NAPEPLD: variants seen among roughly 807,000 people sequenced by gnomAD.
The protein encoded by NAPEPLD is N-acyl phosphatidylethanolamine phospholipase D.
A neutral mutation model predicts 38.1 loss-of-function variants in NAPEPLD; 23 were observed. The ratio of observed to expected loss-of-function variants is 0.60; its 90% CI spans 0.43 to 0.86. NAPEPLD has a LOEUF of 0.86. NAPEPLD is among the 40% of genes least tolerant of loss of function. The pLI is 0.00. For missense variants in NAPEPLD, 411 were observed against 476.8 expected (o/e 0.86, Z 1.28); for synonymous variants, 147 against 162.0 (o/e 0.91, Z 0.71).
chr7:103,131,504 CAA>C (rs1563364330), intron 1 of NAPEPLD, among the ~76,000 whole-genome samples: 2 of 151,918 alleles, frequency 1.3e-5, no homozygotes, highest in Non-Finnish European at 2.9e-5. Flanking sequence ...ACTAAAAATA[CAA>C]AAAGTAGCCG....
intron 4 of NAPEPLD, among the ~76,000 whole-genome samples, chr7:103,106,979 G>A (rs769981176): frequency 2.0e-5 from 3 of 152,152 alleles, no homozygotes; most frequent in Middle Eastern, 3.2e-3. Flanking sequence ...AGTAGGGGCC[G>A]ACAGACATCT....
intron 1 of NAPEPLD, chr7:103,148,074 C>T: frequency 1.0e-6 from 1 of 985,008 alleles, no homozygotes; most frequent in South Asian, 4.7e-5. Context: ...AAACGATGTC[C>T]ATGTCTGCGG....
chr7:103,149,452 G>C (rs894770720), upstream of NAPEPLD: 4 of 1,259,738 alleles, frequency 3.2e-6, no homozygotes, highest in Non-Finnish European at 4.1e-6. Context: ...GCAGCTGCAG[G>C]CAGCGCTTCA....
At chr7:103,135,871 A>C (rs1012657542) in intron 1 of NAPEPLD, among the ~76,000 whole-genome samples, 3 of 152,180 alleles carry the variant, frequency 2.0e-5, no homozygotes, top group African/African-American at 7.2e-5. Context: ...GGAGTAACTC[A>C]GCCTCTCTAA....
At chr7:103,116,449 A>C (rs939398828) in intron 3 of NAPEPLD, among the ~76,000 whole-genome samples, 1 of 152,220 alleles carries the variant, frequency 6.6e-6, no homozygotes, top group Admixed American at 6.5e-5. Context: ...AGTCCTGGAT[A>C]TGTATCAAAG....
chr7:103,103,434 A>T lies in NAPEPLD; in HGVS notation c.1177T>A (p.Phe393Ile). 2 of 1,556,302 alleles carry T rather than the reference A, an allele frequency of 1.3e-6. No individual in the cohort carries two copies. The highest frequency in any genetic ancestry group is 2.8e-5 in the African/African-American group (2 of 71,242). The change falls in exon 5 of 5, where the codon TTT (phenylalanine) becomes ATT (isoleucine). Residue 393 changes from phenylalanine to isoleucine, a missense_variant. Phe to Ile is a conservative substitution (Grantham distance 21). Transcript: ENST00000465647. ...AGTGCCTGTGCTCACATTTATTAAA[A>T]GTTTTCATCATCATTATTTAGGTAT... is the stretch of plus-strand genomic sequence containing the variant. The part of the protein sequence containing the change: ...SRYLNNDDEN[F>I]
In NAPEPLD at chr7:103,115,100, G is replaced by A; in HGVS notation, c.1016C>T (p.Ser339Phe). 1 of 1,613,928 alleles carries A rather than the reference G, an allele frequency of 6.2e-7. No homozygotes were observed. The highest frequency in any genetic ancestry group is 8.5e-7 in the Non-Finnish European group (1 of 1,179,922). The change falls in exon 4 of 5, where the codon TCT becomes TTT. Residue 339 changes from serine to phenylalanine, a missense_variant. Physicochemically the swap from Ser to Phe is radical, Grantham distance 155. Coordinates refer to ENST00000465647, the MANE Select transcript of NAPEPLD (RefSeq NM_001122838.3). ...AAAAGTTCCCCAGTGAATTGCCATA[G>A]ATTTCTTTGTTTGGACATCAGTGTG... ...RIHTDVQTKK[S>F]MAIHWGTFAL...
intron 4 of NAPEPLD, among the ~76,000 whole-genome samples, chr7:103,104,903 A>C (rs6976034): frequency 0.88 from 133,205 of 152,180 alleles, 61,038 homozygotes; most frequent in East Asian, 1. Flanking sequence ...ATGCTGTACA[A>C]GTCTGGGCTA....
At chr7:103,135,634 G>T (rs1809869880) in intron 1 of NAPEPLD, among the ~76,000 whole-genome samples, 1 of 152,070 alleles carries the variant, frequency 6.6e-6, no homozygotes. Flanking sequence ...AAAGCAAACA[G>T]AAGCTTAATA....
chr7:103,122,632 C>T (rs909478054), intron 2 of NAPEPLD, among the ~76,000 whole-genome samples: 1 of 152,158 alleles, frequency 6.6e-6, no homozygotes, highest in Non-Finnish European at 1.5e-5. Flanking sequence ...ATGCTTCATT[C>T]CTGTGAGGAT....
chr7:103,119,695 G>T lies in NAPEPLD; in HGVS notation c.823C>A (p.Pro275Thr). 1 of 1,614,024 alleles carries T rather than the reference G, an allele frequency of 6.2e-7. No homozygotes were observed. Among genetic ancestry groups the T allele is most frequent in the Non-Finnish European group, 8.5e-7 (1 of 1,180,008 alleles). Residue 275 changes from proline to threonine, a missense_variant, in exon 3 of 5, where the codon CCT (proline) becomes ACT (threonine). Physicochemically the swap from Pro to Thr is conservative, Grantham distance 38. Transcript: ENST00000465647. ...VLWGSWSVLG[P>T]WNRFFFAGDT... ...CCTGCGAAAAAAAATCGATTCCAAG[G>T]CCCCAAGACAGACCAGCTGCCCCAT... is the stretch of plus-strand genomic sequence containing the variant.
intron 1 of NAPEPLD, among the ~76,000 whole-genome samples, chr7:103,142,265 A>G (rs1811567003): frequency 1.3e-5 from 2 of 151,902 alleles, no homozygotes; most frequent in African/African-American, 4.8e-5. Context: ...ATCATCCTGA[A>G]ACTGCTATAC....
At chr7:103,122,329 G>A (rs1165000790) in intron 2 of NAPEPLD, among the ~76,000 whole-genome samples, 1 of 151,952 alleles carries the variant, frequency 6.6e-6, no homozygotes, top group East Asian at 1.9e-4. Flanking sequence ...ATTATGTTTA[G>A]ATAAAACAAT....
Position 103,148,797 on chromosome 7 carries a change from G to A in NAPEPLD, c.-17+14C>T. On this transcript the variant is annotated intron_variant, in intron 1 of 4. Coordinates refer to ENST00000465647, the MANE Select transcript of NAPEPLD (RefSeq NM_001122838.3). Reference sequence around the variant, plus strand: ...CCCATTCATTTACATACAACCAAAAGAAGATAAACCCACATGTATTCCTAT... The same window carrying A: ...CCCATTCATTTACATACAACCAAAAAAAGATAAACCCACATGTATTCCTAT... The A allele has an allele frequency of 1.0e-6, 1 of 985,226 alleles. No individual in the cohort carries two copies. The highest frequency in any genetic ancestry group is 4.7e-5 in the South Asian group (1 of 21,272). 61.0% of individuals were successfully genotyped at this position (985,226 alleles called of 1,614,324 possible). A position where few individuals can be genotyped will look rare whatever the true frequency, so the allele number is the denominator to read the frequency against.
upstream of NAPEPLD, chr7:103,149,188 A>G (rs1319201012): frequency 7.0e-6 from 7 of 993,480 alleles, no homozygotes; most frequent in African/African-American, 1.7e-5. Context: ...GCGAGGTCCA[A>G]CAGAAACCAC....
chr7:103,103,693 A>G (rs1802734758), intron 4 of NAPEPLD, 139 bp from the exon 5 acceptor site: 1 of 818,172 alleles, frequency 1.2e-6, no homozygotes, highest in Non-Finnish European at 1.8e-6. Flanking sequence ...GCATTAGCAA[A>G]TGGGTCTATC....
At chr7:103,138,313 A>C (rs1810508110) in intron 1 of NAPEPLD, among the ~76,000 whole-genome samples, 1 of 152,228 alleles carries the variant, frequency 6.6e-6, no homozygotes. Flanking sequence ...ATACAAAAAG[A>C]AAACCTTCCA....
At chr7:103,117,288 T>C (rs1373599007) in intron 3 of NAPEPLD, among the ~76,000 whole-genome samples, 1 of 152,210 alleles carries the variant, frequency 6.6e-6, no homozygotes, top group African/African-American at 2.4e-5. Context: ...CAACAGCAAA[T>C]GAGAGCAGCA....
chr7:103,107,914 C>T (rs1459625171), intron 4 of NAPEPLD, among the ~76,000 whole-genome samples: 2 of 152,088 alleles, frequency 1.3e-5, no homozygotes, highest in Non-Finnish European at 2.9e-5. Flanking sequence ...CAAAGATACT[C>T]CTCAAGAAGA....
Sources: allele counts gnomAD v4.1 joint callset (sites outside exome capture counted in the v4.1 genomes callset), GRCh38; gene constraint gnomAD v4.1.1; transcripts MANE v1.5; gene names NCBI Gene and HGNC (gene_info 2026-07-23, HGNC 2026-07-21).